Variants in CALD1 observed in about 807,000 individuals in gnomAD.
CALD1 encodes caldesmon 1, also known as caldesmon.
In CALD1, 33 loss-of-function variants were observed where a neutral mutation model predicts 99.9. That is an observed-to-expected ratio of 0.33 (90% CI 0.25 to 0.44). CALD1 has a LOEUF of 0.44. CALD1 is among the 20% of genes least tolerant of loss of function. CALD1 has a pLI of 1.00. For synonymous variants in CALD1, 310 were observed against 325.0 expected (o/e 0.95, Z 0.50); for missense variants, 861 against 962.1 (o/e 0.89, Z 1.39).
intron 1 of CALD1, among the ~76,000 whole-genome samples, chr7:134,824,636 G>A (rs1388960441): frequency 6.6e-6 from 1 of 152,096 alleles, no homozygotes; most frequent in Admixed American, 6.6e-5. Context: ...TATAAATGGA[G>A]AGAACAAACA....
chr7:134,727,925 G>T, the CALD1 span, among the ~76,000 whole-genome samples: 4 of 152,150 alleles, frequency 2.6e-5, no homozygotes, highest in Non-Finnish European at 4.4e-5. Context: ...CTAATGAGTA[G>T]ATTTTAGTCA....
chr7:134,724,141 G>A, the CALD1 span, among the ~76,000 whole-genome samples: 1 of 152,184 alleles, frequency 6.6e-6, no homozygotes, highest in Admixed American at 6.5e-5. Flanking sequence ...TTGTGAGCCT[G>A]AAGAATCACT....
At chr7:134,730,321 G>T in the CALD1 span, among the ~76,000 whole-genome samples, 1 of 151,318 alleles carries the variant, frequency 6.6e-6, no homozygotes, top group Non-Finnish European at 1.5e-5. Flanking sequence ...AAAGAGAACC[G>T]AAAGAAACAA....
intron 1 of CALD1, among the ~76,000 whole-genome samples, chr7:134,815,978 G>A (rs1798546367): frequency 6.6e-6 from 1 of 151,996 alleles, no homozygotes; most frequent in Non-Finnish European, 1.5e-5. Flanking sequence ...GATAACCAGG[G>A]TCATTCACTT....
intron 1 of CALD1, among the ~76,000 whole-genome samples, chr7:134,774,613 C>T (rs1796902846): frequency 6.6e-6 from 1 of 152,150 alleles, no homozygotes; most frequent in African/African-American, 2.4e-5. Context: ...AGACTTACAA[C>T]AAATCTGTTT....
chr7:134,934,747 G>A (rs779237118), intron 5 of CALD1, among the ~76,000 whole-genome samples: 1 of 151,948 alleles, frequency 6.6e-6, no homozygotes, highest in Non-Finnish European at 1.5e-5. Context: ...TGGGTGTACC[G>A]GCACATGTCT....
intron 3 of CALD1, among the ~76,000 whole-genome samples, chr7:134,888,744 T>C (rs961925786): frequency 6.6e-6 from 1 of 152,198 alleles, no homozygotes; most frequent in Non-Finnish European, 1.5e-5. Flanking sequence ...CCACTGGGTT[T>C]TACTATCACA....
intron 1 of CALD1, among the ~76,000 whole-genome samples, chr7:134,803,370 T>C (rs1798017383): frequency 6.6e-6 from 1 of 152,116 alleles, no homozygotes; most frequent in African/African-American, 2.4e-5. Flanking sequence ...TAAACAAAAG[T>C]TTTATATTTT....
chr7:134,957,360 A>G (rs1236904898), intron 9 of CALD1, among the ~76,000 whole-genome samples: 1 of 152,182 alleles, frequency 6.6e-6, no homozygotes, highest in Non-Finnish European at 1.5e-5. Flanking sequence ...TCTCTAGTAA[A>G]TACATCCTAA....
chr7:134,732,983 A>G, the CALD1 span, among the ~76,000 whole-genome samples: 1 of 152,192 alleles, frequency 6.6e-6, no homozygotes, highest in Non-Finnish European at 1.5e-5. Context: ...AGCATTCTGG[A>G]ACTCACACGA....
chr7:134,753,520 T>A (rs1018602717), intron 1 of CALD1, among the ~76,000 whole-genome samples: 1 of 152,074 alleles, frequency 6.6e-6, no homozygotes, highest in Non-Finnish European at 1.5e-5. Flanking sequence ...ACCTAGGAAA[T>A]GTTAGTTTAA....
At chr7:134,765,334 G>T (rs1194350418) in intron 1 of CALD1, among the ~76,000 whole-genome samples, 1 of 150,334 alleles carries the variant, frequency 6.7e-6, no homozygotes, top group Non-Finnish European at 1.5e-5. Flanking sequence ...AAAAAAGAAA[G>T]AAAAGTTCAG....
intron 1 of CALD1, among the ~76,000 whole-genome samples, chr7:134,812,154 A>G (rs1000922602): frequency 1.3e-5 from 2 of 152,196 alleles, no homozygotes; most frequent in African/African-American, 2.4e-5. Flanking sequence ...CAACTTATCA[A>G]ATATTTGCAA....
intron 3 of CALD1, chr7:134,891,554 C>A: frequency 6.4e-7 from 1 of 1,561,020 alleles, no homozygotes; most frequent in Non-Finnish European, 8.7e-7. Flanking sequence ...CCAGCCCACG[C>A]CCTGACCGCC....
intron 1 of CALD1, among the ~76,000 whole-genome samples, chr7:134,802,832 GA>G (rs1035550017): frequency 1.3e-5 from 2 of 152,190 alleles, no homozygotes; most frequent in African/African-American, 4.8e-5. Flanking sequence ...GTAAGTCAAG[GA>G]CCATCTGTGT....
intron 3 of CALD1, among the ~76,000 whole-genome samples, chr7:134,895,626 A>G (rs1430157828): frequency 6.6e-6 from 1 of 152,114 alleles, no homozygotes; most frequent in Non-Finnish European, 1.5e-5. Context: ...GAGTAACAGG[A>G]CACCCATTTG....
intron 1 of CALD1, among the ~76,000 whole-genome samples, chr7:134,785,767 C>T (rs1192853114): frequency 2.0e-5 from 3 of 152,264 alleles, no homozygotes; most frequent in African/African-American, 7.2e-5. Context: ...GGATCTAGAG[C>T]TGTTTATCCC....
At chr7:134,763,227 G>A (rs1489811140) in intron 1 of CALD1, among the ~76,000 whole-genome samples, 1 of 152,162 alleles carries the variant, frequency 6.6e-6, no homozygotes, top group African/African-American at 2.4e-5. Context: ...GTCTTTCTAA[G>A]GAGATAGATT....
intron 2 of CALD1, among the ~76,000 whole-genome samples, chr7:134,847,586 G>T (rs1170704483): frequency 1.3e-5 from 2 of 152,152 alleles, no homozygotes; most frequent in Non-Finnish European, 2.9e-5. Context: ...GGGACTCCCA[G>T]CGTTCTGGAA....
Sources: gnomAD v4.1 joint callset for allele counts (sites outside exome capture counted in the v4.1 genomes callset) on GRCh38, gnomAD v4.1.1 for gene constraint, MANE v1.5 for transcripts, NCBI Gene and HGNC (gene_info 2026-07-23, HGNC 2026-07-21) for gene names.